The following PACRG variants were observed in gnomAD, a reference collection of about 807,000 sequenced individuals.
PACRG encodes the protein parkin coregulated, also known as parkin coregulated gene protein.
In PACRG, 29 loss-of-function variants were observed where a neutral mutation model predicts 29.7. The ratio of observed to expected loss-of-function variants is 0.98; its 90% CI spans 0.73 to 1.33. PACRG has a LOEUF of 1.33. PACRG is among the 40% of genes most tolerant of loss of function. The pLI, the probability that PACRG is intolerant of heterozygous loss-of-function variation, is 0.00. For synonymous variants in PACRG, 116 were observed against 118.7 expected (o/e 0.98, Z 0.15); for missense variants, 279 against 316.2 (o/e 0.88, Z 0.89).
intron 2 of PACRG, among the ~76,000 whole-genome samples, chr6:162,956,883 A>G (rs1800087029): frequency 6.6e-6 from 1 of 152,164 alleles, no homozygotes; most frequent in African/African-American, 2.4e-5. Context: ...GGAGGGACAC[A>G]GTGTAACCTA....
chr6:162,727,726 C>T (rs754739638), upstream of PACRG: 53 of 1,535,636 alleles, frequency 3.5e-5, no homozygotes, highest in Admixed American at 2.7e-4. Flanking sequence ...GCAGCGGCGC[C>T]AGCCGCGCCT....
rs567278893 is a variant in PACRG at position 162,835,066 on chromosome 6, T to A, written c.291+20785T>A. 2.0e-5 allele frequency among the ~76,000 whole-genome samples: 3 copies of A among 152,240 alleles called. No individual in the cohort carries two copies. In the South Asian group the frequency reaches 6.2e-4, roughly 32 times the overall value. ...CTTAACTCAATGCTCATTTGGTTACTCTTTTTCATTTTCCCATTTCCTTCC... is the reference window on the plus strand; with the variant it reads ...CTTAACTCAATGCTCATTTGGTTACACTTTTTCATTTTCCCATTTCCTTCC... On this transcript the variant is annotated intron_variant, in intron 2 of 4. Transcript: ENST00000366888.
At chr6:163,239,004 C>A (rs1304797659) in intron 4 of PACRG, among the ~76,000 whole-genome samples, 3 of 152,060 alleles carry the variant, frequency 2.0e-5, no homozygotes, top group Non-Finnish European at 4.4e-5. Flanking sequence ...TGTCTATATC[C>A]CCAACTACTG....
intron 4 of PACRG, among the ~76,000 whole-genome samples, chr6:163,262,686 A>C (rs934476882): frequency 6.6e-6 from 1 of 152,088 alleles, no homozygotes; most frequent in Non-Finnish European, 1.5e-5. Context: ...TCATGGTTCT[A>C]TAACAGTCTC....
At position 163,030,430 on chromosome 6, in the gene PACRG, T is replaced by C. The variant is rs571457367; in HGVS notation, c.292-31720T>C. Among the ~76,000 whole-genome samples, 3 of 152,300 alleles carry C rather than the reference T, an allele frequency of 2.0e-5. No individual in the cohort carries two copies. The East Asian group carries it at 5.8e-4, about 29-fold the overall frequency. ...CACATCTCTTCCTAGTGATTTCAAG[T>C]TGGAGGCTTGAAATTTATACCACAA... On this transcript the variant is annotated intron_variant, in intron 2 of 4. Transcript: ENST00000366888.
At chr6:163,169,595 C>T (rs1778974555) in intron 4 of PACRG, among the ~76,000 whole-genome samples, 1 of 152,170 alleles carries the variant, frequency 6.6e-6, no homozygotes, top group Admixed American at 6.5e-5. Flanking sequence ...CCTACGGCAG[C>T]CAGGCTGTAG....
At chr6:163,233,636 C>G (rs976071443) in intron 4 of PACRG, among the ~76,000 whole-genome samples, 1 of 152,184 alleles carries the variant, frequency 6.6e-6, no homozygotes, top group African/African-American at 2.4e-5. Flanking sequence ...CAGGATACAG[C>G]TGTCCACATG....
intron 2 of PACRG, among the ~76,000 whole-genome samples, chr6:163,049,556 T>C (rs541305370): frequency 6.2e-4 from 95 of 152,092 alleles, no homozygotes; most frequent in African/African-American, 2.1e-3. Flanking sequence ...GAAACTCCTA[T>C]CACACTCAAG....
intron 4 of PACRG, among the ~76,000 whole-genome samples, chr6:163,307,741 A>G (rs1240064312): frequency 6.6e-6 from 1 of 152,248 alleles, no homozygotes; most frequent in Non-Finnish European, 1.5e-5. Context: ...GCAAAGCTAA[A>G]AAAATAGAGT....
At chr6:162,749,908 T>G (rs1326248529) in intron 1 of PACRG, among the ~76,000 whole-genome samples, 1 of 152,184 alleles carries the variant, frequency 6.6e-6, no homozygotes, top group Non-Finnish European at 1.5e-5. Context: ...CACCATTGAT[T>G]TATATATGCT....
At chr6:163,256,885 C>A (rs770599851) in intron 4 of PACRG, among the ~76,000 whole-genome samples, 80 of 152,254 alleles carry the variant, frequency 5.3e-4, no homozygotes, top group Admixed American at 5.2e-4. Context: ...AGGTGTTGGC[C>A]ATGTCGTTTC....
intron 2 of PACRG, among the ~76,000 whole-genome samples, chr6:163,032,980 A>G (rs1215487545): frequency 1.3e-5 from 2 of 152,302 alleles, no homozygotes; most frequent in Non-Finnish European, 2.9e-5. Context: ...TAGTCAATGC[A>G]GACTCTCTTA....
chr6:162,884,514 G>T (rs914258686), intron 2 of PACRG, among the ~76,000 whole-genome samples: 2 of 152,152 alleles, frequency 1.3e-5, no homozygotes, highest in Non-Finnish European at 2.9e-5. Flanking sequence ...TCTGGGTAAA[G>T]GGTGAATGGG....
At chr6:163,134,914 A>T (rs1400628719) in intron 4 of PACRG, among the ~76,000 whole-genome samples, 1 of 152,104 alleles carries the variant, frequency 6.6e-6, no homozygotes, top group Non-Finnish European at 1.5e-5. Flanking sequence ...TTCGAATAAC[A>T]CCGACACCAC....
chr6:163,180,036 G>A (rs546318973), intron 4 of PACRG, among the ~76,000 whole-genome samples: 1 of 152,322 alleles, frequency 6.6e-6, no homozygotes, highest in Non-Finnish European at 1.5e-5. Context: ...GACTTGAAGT[G>A]GTCTTTCTGA....
chr6:163,198,700 T>C (rs569068029), intron 4 of PACRG, among the ~76,000 whole-genome samples: 8 of 152,340 alleles, frequency 5.3e-5, no homozygotes, highest in African/African-American at 1.9e-4. Context: ...TTAATGATCG[T>C]GAACCCAGAA....
chr6:163,254,814 A>C (rs1317054926), intron 4 of PACRG, among the ~76,000 whole-genome samples: 1 of 152,242 alleles, frequency 6.6e-6, no homozygotes, highest in African/African-American at 2.4e-5. Flanking sequence ...AAACAGTTAC[A>C]GCTGCACCAC....
At chr6:163,110,611 C>T (rs117436041) in intron 4 of PACRG, among the ~76,000 whole-genome samples, 1 of 152,308 alleles carries the variant, frequency 6.6e-6, no homozygotes, top group East Asian at 1.9e-4. Flanking sequence ...CTGTCTTCAC[C>T]ACAGAGCCCC....
In PACRG at chr6:163,305,301, A is replaced by G. The variant is rs116170289; in HGVS notation, c.614-9526A>G. On this transcript the variant is annotated intron_variant, in intron 4 of 4. Transcript: ENST00000366888. ...AACTTTCCCAACATAAGTGACTTCA[A>G]TGTGGCTTTCTGGTTTGTTTCTTAA... Among the ~76,000 whole-genome samples, 453 of 152,336 alleles carry G rather than the reference A, an allele frequency of 3.0e-3. 1 individual carries two copies. Among genetic ancestry groups the G allele is most frequent in the African/African-American group, 0.01 (427 of 41,572 alleles).
Sources: allele counts gnomAD v4.1 joint callset (sites outside exome capture counted in the v4.1 genomes callset), GRCh38; gene constraint gnomAD v4.1.1; transcripts MANE v1.5; gene names NCBI Gene and HGNC (gene_info 2026-07-23, HGNC 2026-07-21).